Variants in MECOM observed in about 807,000 individuals in gnomAD.
MECOM encodes histone-lysine N-methyltransferase MECOM.
A neutral mutation model predicts 116.3 loss-of-function variants in MECOM; 13 were observed. That is an observed-to-expected ratio of 0.11 (90% CI 0.07 to 0.18). The LOEUF is 0.18. MECOM is among the 10% of genes least tolerant of loss of function. The pLI, the probability that MECOM is intolerant of heterozygous loss-of-function variation, is 1.00. For missense variants in MECOM, 1,299 were observed against 1,509.0 expected (o/e 0.86, Z 2.31); for synonymous variants, 528 against 535.2 (o/e 0.99, Z 0.19).
chr3:169,498,082 T>C (rs1479822688), intron 1 of MECOM, among the ~76,000 whole-genome samples: 1 of 152,238 alleles, frequency 6.6e-6, no homozygotes, highest in Admixed American at 6.5e-5. Flanking sequence ...TTCTTCTTCA[T>C]TAATGTTTAA....
rs1161255498 is a variant in MECOM, at chr3:169,378,480, A to C, written c.375+2707T>G. 4.1e-3 allele frequency among the ~76,000 whole-genome samples: 181 copies of C among 44,076 alleles called. 37 individuals are homozygous for C. The African/African-American group carries it at 0.042, about 10-fold the overall frequency. 28.9% of individuals were successfully genotyped at this position (44,076 alleles called of 152,430 possible). ...AAGCAAGCAAGCAAGCAAGCAAGAA[A>C]GAGAGAGAGAAAGAAAGAAAGAAAG... On this transcript the variant is annotated intron_variant, in intron 2 of 16. Coordinates refer to ENST00000651503, the MANE Select transcript of MECOM (RefSeq NM_004991.4).
At chr3:169,647,932 T>C (rs143642897) in intron 1 of MECOM, among the ~76,000 whole-genome samples, 1 of 152,182 alleles carries the variant, frequency 6.6e-6, no homozygotes, top group African/African-American at 2.4e-5. Flanking sequence ...CAGCCAGCAT[T>C]ATCCGCCAGA....
chr3:169,381,768 T>C (rs1732429744), intron 1 of MECOM, among the ~76,000 whole-genome samples: 1 of 152,214 alleles, frequency 6.6e-6, no homozygotes, highest in Admixed American at 6.5e-5. Flanking sequence ...AATACTTGCA[T>C]GGGCTAGTTC....
chr3:169,499,326 G>A (rs1371241822), intron 1 of MECOM, among the ~76,000 whole-genome samples: 1 of 83,128 alleles, frequency 1.2e-5, no homozygotes, highest in Non-Finnish European at 2.2e-5. Context: ...AGCTTGCAGA[G>A]AGAAAAGACA....
At chr3:169,503,299 TAGAC>T (rs1473673747) in intron 1 of MECOM, among the ~76,000 whole-genome samples, 1 of 152,158 alleles carries the variant, frequency 6.6e-6, no homozygotes, top group Non-Finnish European at 1.5e-5. Context: ...CCCAGAGGCT[TAGAC>T]AAAGAAAACG....
intron 1 of MECOM, among the ~76,000 whole-genome samples, chr3:169,656,397 T>C (rs1043624071): frequency 2.0e-5 from 3 of 152,076 alleles, no homozygotes; most frequent in Non-Finnish European, 2.9e-5. Flanking sequence ...CAAAAGCACG[T>C]TTGCTAATGA....
chr3:169,418,790 A>G (rs564458485), intron 1 of MECOM, among the ~76,000 whole-genome samples: 39 of 119,798 alleles, frequency 3.3e-4, no homozygotes, highest in Admixed American at 4.1e-4. Flanking sequence ...AGCCAATATC[A>G]TACTGAATTG....
intron 10 of MECOM, among the ~76,000 whole-genome samples, chr3:169,105,885 A>C (rs941864966): frequency 6.6e-6 from 1 of 152,120 alleles, no homozygotes. Context: ...TAGTCAAATA[A>C]AGTTAGTATT....
chr3:169,364,292 A>G (rs1728799087), intron 2 of MECOM, among the ~76,000 whole-genome samples: 1 of 152,012 alleles, frequency 6.6e-6, no homozygotes, highest in African/African-American at 2.4e-5. Flanking sequence ...TTACTGCATA[A>G]GGACATTATT....
intron 1 of MECOM, among the ~76,000 whole-genome samples, chr3:169,591,696 C>T (rs1368687579): frequency 6.6e-6 from 1 of 151,218 alleles, no homozygotes; most frequent in African/African-American, 2.4e-5. Context: ...ATTTGAGAGA[C>T]AATCTCATAC....
Position 169,248,766 on chromosome 3 carries a change from T to C in MECOM, c.376-104934A>G, listed in dbSNP as rs572041432. Among the ~76,000 whole-genome samples, 9 of 152,236 alleles carry C rather than the reference T, an allele frequency of 5.9e-5. No homozygotes were observed. In the South Asian group the frequency reaches 1.5e-3, roughly 25 times the overall value. ...GAAACACAAAGAGACACCAGAGGCA[T>C]GCATGCTCAGAGGAAAGATCATGTA... On this transcript the variant is annotated intron_variant, in intron 2 of 16. Transcript: ENST00000651503.
chr3:169,247,387 C>A (rs970407931), intron 2 of MECOM, among the ~76,000 whole-genome samples: 5 of 152,018 alleles, frequency 3.3e-5, no homozygotes, highest in African/African-American at 9.7e-5. Flanking sequence ...CTCACCACAA[C>A]CTCCACCTCC....
intron 1 of MECOM, among the ~76,000 whole-genome samples, chr3:169,484,910 T>C (rs1751922144): frequency 6.6e-6 from 1 of 152,208 alleles, no homozygotes; most frequent in Non-Finnish European, 1.5e-5. Flanking sequence ...TTGATATTAC[T>C]TAGGGAGAGC....
intron 1 of MECOM, among the ~76,000 whole-genome samples, chr3:169,395,482 TAC>T (rs1335549904): frequency 6.6e-6 from 1 of 152,154 alleles, no homozygotes; most frequent in Non-Finnish European, 1.5e-5. Context: ...CTACTAAATT[TAC>T]ACACACTCAT....
intron 14 of MECOM, among the ~76,000 whole-genome samples, chr3:169,092,303 A>G (rs1719968963): frequency 6.6e-6 from 1 of 152,024 alleles, no homozygotes; most frequent in Non-Finnish European, 1.5e-5. Context: ...AGAGGACATA[A>G]AGTAGCAATA....
At chr3:169,145,249 T>G (rs977415508) in intron 2 of MECOM, 5 of 472,784 alleles carry the variant, frequency 1.1e-5, no homozygotes, top group Non-Finnish European at 1.9e-5. Flanking sequence ...ACGACAGAAG[T>G]GTACACTTAA....
chr3:169,471,416 C>T (rs1749220189), intron 1 of MECOM, among the ~76,000 whole-genome samples: 1 of 151,300 alleles, frequency 6.6e-6, no homozygotes, highest in Admixed American at 6.6e-5. Context: ...TGTGTAACTC[C>T]TACCTAGCAA....
At chr3:169,214,190 A>T (rs58659085) in intron 2 of MECOM, among the ~76,000 whole-genome samples, 1 of 151,970 alleles carries the variant, frequency 6.6e-6, no homozygotes, top group Non-Finnish European at 1.5e-5. Flanking sequence ...CTTTTTTTTT[A>T]AACTAACATG....
At chr3:169,444,290 A>C (rs1744229819) in intron 1 of MECOM, among the ~76,000 whole-genome samples, 1 of 152,106 alleles carries the variant, frequency 6.6e-6, no homozygotes, top group Non-Finnish European at 1.5e-5. Context: ...TCAAATTTTC[A>C]TGAGCAACAC....
Sources: gnomAD v4.1 joint callset for allele counts (sites outside exome capture counted in the v4.1 genomes callset) on GRCh38, gnomAD v4.1.1 for gene constraint, MANE v1.5 for transcripts, NCBI Gene and HGNC (gene_info 2026-07-23, HGNC 2026-07-21) for gene names.